Variants in ATXN1 observed in about 807,000 individuals in gnomAD.
The protein encoded by ATXN1 is ataxin 1.
A neutral mutation model predicts 56.4 loss-of-function variants in ATXN1; 8 were observed. The observed-to-expected ratio is 0.14, with a 90% CI of 0.08 to 0.26. The LOEUF is 0.26. Among genes scored for constraint, ATXN1 ranks in the 10% least tolerant of loss-of-function variants. ATXN1 has a pLI of 1.00. For synonymous variants in ATXN1, 514 were observed against 494.6 expected, an observed-to-expected ratio of 1.04 and a Z score of -0.52; for missense variants, 987 against 1,106.5, an observed-to-expected ratio of 0.89 and a Z score of 1.53.
chr6:16,397,668 C>T (rs1312121947), intron 6 of ATXN1, among the ~76,000 whole-genome samples: 1 of 152,212 alleles, frequency 6.6e-6, no homozygotes, highest in Admixed American at 6.5e-5. Flanking sequence ...TGTGCAGGTA[C>T]ATACCACCAA....
chr6:16,673,070 A>C (rs1205563649), intron 2 of ATXN1, among the ~76,000 whole-genome samples: 1 of 151,758 alleles, frequency 6.6e-6, no homozygotes, highest in Non-Finnish European at 1.5e-5. Flanking sequence ...AAAGGCAAGG[A>C]TATGAATTAT....
intron 6 of ATXN1, among the ~76,000 whole-genome samples, chr6:16,378,021 T>C (rs1328924719): frequency 1.3e-5 from 2 of 152,334 alleles, no homozygotes; most frequent in African/African-American, 4.8e-5. Context: ...AGGAGGGCCA[T>C]CTCGGGCACC....
chr6:16,637,516 T>C (rs1763621704), intron 3 of ATXN1, among the ~76,000 whole-genome samples: 3 of 149,872 alleles, frequency 2.0e-5, no homozygotes, highest in African/African-American at 4.9e-5. Flanking sequence ...TAAAATAAAA[T>C]AAAAAAAGAA....
chr6:16,566,668 A>C (rs954279111), intron 4 of ATXN1, among the ~76,000 whole-genome samples: 3 of 151,964 alleles, frequency 2.0e-5, no homozygotes, highest in Admixed American at 1.3e-4. Context: ...CCTGGCGAAC[A>C]CTGTGAAACC....
chr6:16,734,433 G>GA (rs897708844), intron 2 of ATXN1, among the ~76,000 whole-genome samples: 3 of 152,126 alleles, frequency 2.0e-5, no homozygotes, highest in African/African-American at 7.2e-5. Flanking sequence ...AAAAAGTAGG[G>GA]AAAAAAGAAG....
chr6:16,678,585 A>C (rs1484762685), intron 2 of ATXN1, among the ~76,000 whole-genome samples: 1 of 152,212 alleles, frequency 6.6e-6, no homozygotes, highest in Non-Finnish European at 1.5e-5. Context: ...ATTAAGATTG[A>C]CCTTTATAGA....
At chr6:16,545,393 CT>C (rs35242778) in intron 4 of ATXN1, among the ~76,000 whole-genome samples, 132 of 143,942 alleles carry the variant, frequency 9.2e-4, no homozygotes, top group Admixed American at 8.3e-4. Flanking sequence ...GATTTCTTGT[CT>C]TTTTTTTTTT....
chr6:16,393,574 T>C (rs1407303001), intron 6 of ATXN1, among the ~76,000 whole-genome samples: 2 of 152,246 alleles, frequency 1.3e-5, no homozygotes, highest in Non-Finnish European at 2.9e-5. Flanking sequence ...ACTCTATCTC[T>C]ACATTATTTG....
At chr6:16,465,937 GATTCTA>G (rs1402222893) in intron 6 of ATXN1, among the ~76,000 whole-genome samples, 1 of 152,152 alleles carries the variant, frequency 6.6e-6, no homozygotes, top group Non-Finnish European at 1.5e-5. Context: ...AAAATACAAG[GATTCTA>G]AGGGAATGCA....
chr6:16,731,880 T>A (rs1255782163), intron 2 of ATXN1, among the ~76,000 whole-genome samples: 1 of 152,138 alleles, frequency 6.6e-6, no homozygotes, highest in Non-Finnish European at 1.5e-5. Context: ...CCTGTGCTAT[T>A]TAAAGCACCC....
At chr6:16,435,413 T>TA (rs1193012067) in intron 6 of ATXN1, among the ~76,000 whole-genome samples, 4 of 151,838 alleles carry the variant, frequency 2.6e-5, no homozygotes, top group African/African-American at 9.7e-5. Context: ...CTCCAACACT[T>TA]AGAGGCGTAG....
intron 3 of ATXN1, among the ~76,000 whole-genome samples, 199 bp from the exon 4 acceptor site, chr6:16,586,106 A>C (rs1039312305): frequency 6.6e-6 from 1 of 152,048 alleles, no homozygotes; most frequent in Non-Finnish European, 1.5e-5. Flanking sequence ...CAGCAGGCAG[A>C]GACACAGCAG....
chr6:16,444,625 T>C (rs1185022626), intron 6 of ATXN1, among the ~76,000 whole-genome samples: 2 of 152,202 alleles, frequency 1.3e-5, no homozygotes, highest in African/African-American at 4.8e-5. Flanking sequence ...TAGTATATTA[T>C]CCTGCTTTTC....
chr6:16,682,978 G>A (rs1309231029), intron 2 of ATXN1, among the ~76,000 whole-genome samples: 1 of 152,190 alleles, frequency 6.6e-6, no homozygotes, highest in Non-Finnish European at 1.5e-5. Context: ...ACATGGGTCA[G>A]GAAGAACCTC....
intron 3 of ATXN1, among the ~76,000 whole-genome samples, chr6:16,637,427 A>G (rs1177930741): frequency 6.6e-6 from 1 of 152,272 alleles, no homozygotes; most frequent in East Asian, 1.9e-4. Flanking sequence ...GCACACCAAC[A>G]TGATACATGT....
At chr6:16,518,333 C>G (rs542316464) in intron 5 of ATXN1, among the ~76,000 whole-genome samples, 2 of 152,258 alleles carry the variant, frequency 1.3e-5, no homozygotes, top group African/African-American at 4.8e-5. Context: ...CTAAAGCCAA[C>G]GTGGCCTATG....
At chr6:16,413,709 G>A (rs1273109205) in intron 6 of ATXN1, among the ~76,000 whole-genome samples, 1 of 152,150 alleles carries the variant, frequency 6.6e-6, no homozygotes, top group Non-Finnish European at 1.5e-5. Flanking sequence ...TTTGTGACAT[G>A]ATGTTTGGGT....
chr6:16,488,696 A>G (rs17664365), intron 5 of ATXN1, among the ~76,000 whole-genome samples: 4,852 of 152,312 alleles, frequency 0.032, 103 homozygotes, highest in Non-Finnish European at 0.048. Context: ...GAATGGAGTA[A>G]GTCTGAAAGC....
chr6:16,453,970 G>A lies in ATXN1; in HGVS notation c.-161+32002C>T, dbSNP rs533604637. ...AGCCTGGCCAACATGGCAAAACCCC[G>A]TCTCTACTAAAACTACAAAAAAGGT... On this transcript the variant is annotated intron_variant, in intron 6 of 7. Coordinates refer to ENST00000436367, the MANE Select transcript of ATXN1 (RefSeq NM_001128164.2). 1.3e-3 allele frequency among the ~76,000 whole-genome samples: 202 copies of A among 151,758 alleles called. 1 individual carries two copies. The highest frequency in any genetic ancestry group is 4.6e-3 in the African/African-American group (190 of 41,338).
Sources: gnomAD v4.1 joint callset for allele counts (sites outside exome capture counted in the v4.1 genomes callset) on GRCh38, gnomAD v4.1.1 for gene constraint, MANE v1.5 for transcripts, NCBI Gene and HGNC (gene_info 2026-07-23, HGNC 2026-07-21) for gene names.